GYS2: variants seen among roughly 807,000 people sequenced by gnomAD.
The protein encoded by GYS2 is glycogen [starch] synthase, liver.
A neutral mutation model predicts 85.6 loss-of-function variants in GYS2; 80 were observed. The ratio of observed to expected loss-of-function variants is 0.93; its 90% CI spans 0.78 to 1.13. GYS2 has a LOEUF of 1.13. Ranked by LOEUF, GYS2 falls within the 50% of genes most tolerant of loss-of-function variation. The probability of loss-of-function intolerance (pLI) is 0.00; values close to 1 mark genes in which losing one functional copy is unlikely to be tolerated. For synonymous variants in GYS2, 328 were observed against 300.7 expected (o/e 1.09, Z -0.94); for missense variants, 881 against 854.9 (o/e 1.03, Z -0.38).
At chr12:21,584,619 G>A (rs1565609242) in intron 1 of GYS2, among the ~76,000 whole-genome samples, 1 of 152,210 alleles carries the variant, frequency 6.6e-6, no homozygotes, top group Non-Finnish European at 1.5e-5. Flanking sequence ...CCAACACTAA[G>A]CCCTTGATAT....
Position 21,604,685 on chromosome 12 carries a change from T to C in GYS2, c.-93A>G. ...AACTTACAGGCACAAAAGTTAGAGTTGGTAGAGTTACCAGGCTTTGGTAGC... is the reference window on the plus strand; with the variant it reads ...AACTTACAGGCACAAAAGTTAGAGTCGGTAGAGTTACCAGGCTTTGGTAGC... On this transcript the variant is annotated 5_prime_UTR_variant, in exon 1 of 16. Coordinates refer to ENST00000261195, the MANE Select transcript of GYS2 (RefSeq NM_021957.4). The C allele has an allele frequency of 6.3e-7, 1 of 1,593,418 alleles. No homozygotes were observed. Among genetic ancestry groups the C allele is most frequent in the Non-Finnish European group, 8.6e-7 (1 of 1,167,476 alleles).
intron 11 of GYS2, 111 bp downstream of exon 11, chr12:21,558,089 A>G: frequency 1.3e-6 from 1 of 743,066 alleles, no homozygotes; most frequent in Non-Finnish European, 2.4e-6. Flanking sequence ...TTCCTTTAAA[A>G]TACTTAAAAT....
intron 2 of GYS2, among the ~76,000 whole-genome samples, chr12:21,577,958 C>G (rs1340102114): frequency 2.0e-5 from 3 of 152,122 alleles, no homozygotes; most frequent in Non-Finnish European, 2.9e-5. Context: ...GATTTTTTAT[C>G]CTGCACACTT....
chr12:21,560,412 T>G lies in GYS2; in HGVS notation c.1143A>C (p.Lys381Asn). The G allele has an allele frequency of 6.2e-7, 1 of 1,604,798 alleles. No homozygotes were observed. ...KTNNFNVETLKGQAVRKQLWD... is the reference protein window; with the variant it reads ...KTNNFNVETLNGQAVRKQLWD... Reference sequence around the variant, plus strand: ...ACAGCTGTTTTCGCACTGCTTGTCCTTTCAGGGTTTCCACGTTGAAATTAT... The same window carrying G: ...ACAGCTGTTTTCGCACTGCTTGTCCGTTCAGGGTTTCCACGTTGAAATTAT... The change falls in exon 8 of 16, where the codon AAA (lysine) becomes AAC (asparagine). Residue 381 changes from lysine (K) to asparagine (N), a missense_variant. Transcript: ENST00000261195.
chr12:21,603,180 A>G (rs915427659), intron 1 of GYS2, among the ~76,000 whole-genome samples: 3 of 152,114 alleles, frequency 2.0e-5, no homozygotes, highest in Non-Finnish European at 4.4e-5. Flanking sequence ...AAAATAATTT[A>G]AAAAGAAACA....
chr12:21,553,089 G>A (rs1054089855), intron 11 of GYS2, among the ~76,000 whole-genome samples: 3 of 152,158 alleles, frequency 2.0e-5, no homozygotes, highest in Non-Finnish European at 4.4e-5. Context: ...CCACTCTGTC[G>A]CTCAGGCTAG....
At chr12:21,586,212 G>A (rs1352776232) in intron 1 of GYS2, among the ~76,000 whole-genome samples, 1 of 152,030 alleles carries the variant, frequency 6.6e-6, no homozygotes, top group Non-Finnish European at 1.5e-5. Context: ...AAAAAAACAT[G>A]TGAAAATCCT....
At chr12:21,546,929 C>A (rs1309062270) in intron 11 of GYS2, among the ~76,000 whole-genome samples, 1 of 152,180 alleles carries the variant, frequency 6.6e-6, no homozygotes, top group East Asian at 1.9e-4. Context: ...AACTAAGGGA[C>A]AGGGAAGATG....
At chr12:21,534,052 G>A (rs1221024267), downstream of GYS2, among the ~76,000 whole-genome samples, 1 of 152,170 alleles carries the variant, frequency 6.6e-6, no homozygotes, top group Non-Finnish European at 1.5e-5. Context: ...TGCCTCCTTT[G>A]TGGATACCAT....
intron 1 of GYS2, among the ~76,000 whole-genome samples, chr12:21,589,147 T>C (rs1944606707): frequency 1.3e-5 from 2 of 152,212 alleles, no homozygotes; most frequent in South Asian, 4.1e-4. Context: ...TACTCAGAGA[T>C]CTTAAAACAT....
Position 21,568,848 on chromosome 12 carries a change from C to T in GYS2, c.823+17G>A. ...CATTCGGAACTGAAAGATAGGTGATCCAGGGATAATAATTACCAGGCTTTC... is the reference window on the plus strand; with the variant it reads ...CATTCGGAACTGAAAGATAGGTGATTCAGGGATAATAATTACCAGGCTTTC... On this transcript the variant is annotated intron_variant, in intron 5 of 15. Transcript: ENST00000261195. The T allele has an allele frequency of 6.2e-7, 1 of 1,605,248 alleles. No individual in the cohort carries two copies. The highest frequency in any genetic ancestry group is 8.5e-7 in the Non-Finnish European group (1 of 1,171,966).
chr12:21,545,098 C>T (rs574148911), intron 12 of GYS2, among the ~76,000 whole-genome samples: 2 of 152,278 alleles, frequency 1.3e-5, no homozygotes, highest in Admixed American at 6.5e-5. Flanking sequence ...CAAAAGGCAA[C>T]ATTTACTATC....
intron 9 of GYS2, 88 bp downstream of exon 9, chr12:21,559,563 C>G: frequency 1.2e-6 from 1 of 800,760 alleles, no homozygotes; most frequent in Non-Finnish European, 2.2e-6. Context: ...ATATTTGGAA[C>G]AAAATTAATA....
chr12:21,551,013 ATTT>A (rs71053322), intron 11 of GYS2, among the ~76,000 whole-genome samples: 6 of 151,448 alleles, frequency 4.0e-5, no homozygotes, highest in African/African-American at 1.5e-4. Flanking sequence ...TTTTTTTTTA[ATTT>A]TTTTTTATTA....
At chr12:21,546,628 C>G (rs933878119) in intron 11 of GYS2, among the ~76,000 whole-genome samples, 158 bp from the exon 12 acceptor site, 1 of 152,012 alleles carries the variant, frequency 6.6e-6, no homozygotes, top group African/African-American at 2.4e-5. Flanking sequence ...AGAAAAAAGC[C>G]GTGGTGGTTT....
chr12:21,563,917 A>T (rs1210947163), intron 5 of GYS2, among the ~76,000 whole-genome samples: 2 of 152,190 alleles, frequency 1.3e-5, no homozygotes, highest in African/African-American at 4.8e-5. Flanking sequence ...CCTTTTGTGC[A>T]TTTGGAAAAT....
intron 14 of GYS2, 57 bp from the exon 15 acceptor site, chr12:21,539,395 C>T: frequency 1.1e-6 from 1 of 935,640 alleles, no homozygotes; most frequent in Non-Finnish European, 1.8e-6. Flanking sequence ...TCTCAATAAT[C>T]AAGTTATTAA....
At chr12:21,547,685 A>C (rs1292047119) in intron 11 of GYS2, among the ~76,000 whole-genome samples, 1 of 152,184 alleles carries the variant, frequency 6.6e-6, no homozygotes, top group Non-Finnish European at 1.5e-5. Flanking sequence ...GTATCATACT[A>C]TGATGATGAA....
chr12:21,539,856 G>C (rs1310636826), intron 14 of GYS2, among the ~76,000 whole-genome samples: 1 of 152,180 alleles, frequency 6.6e-6, no homozygotes, highest in African/African-American at 2.4e-5. Context: ...ATTCAGCCAA[G>C]AGTGTTCAGC....
Sources: allele counts gnomAD v4.1 joint callset (sites outside exome capture counted in the v4.1 genomes callset), GRCh38; gene constraint gnomAD v4.1.1; transcripts MANE v1.5; gene names NCBI Gene and HGNC (gene_info 2026-07-23, HGNC 2026-07-21).